Variants in ZC3H12B observed in about 807,000 individuals in gnomAD.
ZC3H12B encodes the protein zinc finger CCCH-type containing 12B.
ZC3H12B carries 7 observed loss-of-function variants against 43.9 expected under a neutral mutation model. The ratio of observed to expected loss-of-function variants is 0.16; its 90% CI spans 0.09 to 0.30. The LOEUF (loss-of-function observed/expected upper bound fraction) is 0.30. ZC3H12B is among the 10% of genes least tolerant of loss of function. The pLI, the probability that ZC3H12B is intolerant of heterozygous loss-of-function variation, is 1.00. For missense variants in ZC3H12B, 475 were observed against 670.2 expected (o/e 0.71, Z 3.22); for synonymous variants, 222 against 241.7 (o/e 0.92, Z 0.76).
At chrX:65,375,640 T>A (rs1056091309) in intron 2 of ZC3H12B, among the ~76,000 whole-genome samples, 2 of 110,007 alleles carry the variant, frequency 1.8e-5, no homozygotes, top group African/African-American at 6.6e-5. Flanking sequence ...AAGTTTTGAG[T>A]CCCCCATTGT....
the ZC3H12B span, among the ~76,000 whole-genome samples, chrX:65,076,329 A>G: frequency 1.8e-5 from 2 of 110,381 alleles, no homozygotes; most frequent in Non-Finnish European, 3.8e-5. Flanking sequence ...TGTAGAGATC[A>G]GGTCTCACTA....
At chrX:65,154,132 A>G in the ZC3H12B span, among the ~76,000 whole-genome samples, 1 of 111,626 alleles carries the variant, frequency 9.0e-6, no homozygotes, top group African/African-American at 3.3e-5. Flanking sequence ...CTAATGTTAA[A>G]TGACGAGTTA....
chrX:65,374,177 C>G (rs1408649884), intron 2 of ZC3H12B, among the ~76,000 whole-genome samples: 2 of 75,204 alleles, frequency 2.7e-5, no homozygotes, highest in South Asian at 6.1e-4. Context: ...TATATATACA[C>G]TATATATAGT....
the ZC3H12B span, among the ~76,000 whole-genome samples, chrX:65,263,028 A>G: frequency 9.0e-6 from 1 of 111,065 alleles, no homozygotes; most frequent in Admixed American, 9.6e-5. Context: ...CCTAGAGCTT[A>G]CTAACTGTAT....
At chrX:65,275,249 T>G in the ZC3H12B span, among the ~76,000 whole-genome samples, 1 of 112,525 alleles carries the variant, frequency 8.9e-6, no homozygotes, top group Non-Finnish European at 1.9e-5. Context: ...GAACCCATGT[T>G]CCAAGCCAGA....
In ZC3H12B at chrX:65,388,536, A is replaced by G. The variant is rs1459837030; in HGVS notation, n.296-10057A>G. ...TCTGCATTGGTTATTCTAGTTCGCC[A>G]TTTGTCTAATTTTTTTTTCAAAGTT... On this transcript the variant is annotated intron_variant and non_coding_transcript_variant, in intron 2 of 5. Transcript: ENST00000617377. Among the ~76,000 whole-genome samples the G allele has an allele frequency of 4.5e-5, 5 of 110,496 alleles. No individual in the cohort carries two copies. In the Admixed American group the frequency reaches 4.8e-4, roughly 11 times the overall value.
chrX:65,229,892 C>T, the ZC3H12B span, among the ~76,000 whole-genome samples: 1 of 110,519 alleles, frequency 9.0e-6, no homozygotes, highest in African/African-American at 3.3e-5. Context: ...ACAACAGGTG[C>T]TGGAGAGGAT....
chrX:65,231,204 A>T, the ZC3H12B span, among the ~76,000 whole-genome samples: 5 of 110,930 alleles, frequency 4.5e-5, no homozygotes, highest in Admixed American at 9.6e-5. Context: ...TCAAAAGGGG[A>T]GGGGGTGTAC....
chrX:65,207,460 A>G, the ZC3H12B span, among the ~76,000 whole-genome samples: 2 of 110,963 alleles, frequency 1.8e-5, no homozygotes, highest in Admixed American at 9.7e-5. Context: ...AAGAATGATG[A>G]CAATGCACTT....
intron 3 of ZC3H12B, among the ~76,000 whole-genome samples, chrX:65,448,955 A>AAAAGAAAGAAAAAGAAAG (rs2067422770): frequency 1.7e-5 from 1 of 58,967 alleles, no homozygotes; most frequent in Non-Finnish European, 2.6e-5. Context: ...GAAAGAAAGA[A>AAAAGAAAGAAAAAGAAAG]AAAGAAAGAA....
intron 3 of ZC3H12B, among the ~76,000 whole-genome samples, chrX:65,417,326 G>A (rs1482280266): frequency 8.9e-6 from 1 of 111,968 alleles, no homozygotes; most frequent in African/African-American, 3.2e-5. Flanking sequence ...AACAGTATCA[G>A]CCTTTCTTGA....
At chrX:65,190,457 A>G in the ZC3H12B span, among the ~76,000 whole-genome samples, 1,885 of 110,273 alleles carry the variant, frequency 0.017, 25 homozygotes, top group Non-Finnish European at 0.029. Context: ...ATTTGTTTGT[A>G]TCCTCTTTTA....
At chrX:65,176,719 A>G in the ZC3H12B span, among the ~76,000 whole-genome samples, 1 of 111,964 alleles carries the variant, frequency 8.9e-6, no homozygotes, top group Non-Finnish European at 1.9e-5. Flanking sequence ...CCCTCCCAAG[A>G]CTAAACCAGG....
the ZC3H12B span, among the ~76,000 whole-genome samples, chrX:65,148,668 C>T: frequency 9.9e-5 from 11 of 111,514 alleles, no homozygotes; most frequent in African/African-American, 2.9e-4. Context: ...TCTCCCTGTG[C>T]GCTATGCTGC....
chrX:65,144,850 A>T, the ZC3H12B span, among the ~76,000 whole-genome samples: 2 of 110,291 alleles, frequency 1.8e-5, no homozygotes, highest in Non-Finnish European at 3.8e-5. Flanking sequence ...TATAATTTTG[A>T]TTTTCTTAAG....
the ZC3H12B span, among the ~76,000 whole-genome samples, chrX:65,238,130 G>C: frequency 9.0e-6 from 1 of 111,519 alleles, no homozygotes; most frequent in Non-Finnish European, 1.9e-5. Flanking sequence ...ATATGGAAGA[G>C]TCCCTCCTCG....
chrX:65,110,095 G>C, the ZC3H12B span, among the ~76,000 whole-genome samples: 1 of 110,806 alleles, frequency 9.0e-6, no homozygotes, highest in Non-Finnish European at 1.9e-5. Context: ...TTTGCCATCT[G>C]TATATCCTCT....
the ZC3H12B span, among the ~76,000 whole-genome samples, chrX:65,268,911 A>T: frequency 8.9e-6 from 1 of 112,645 alleles, no homozygotes; most frequent in African/African-American, 3.2e-5. Context: ...GCAAAAAGGC[A>T]TTCAAATTAG....
chrX:65,486,205 A>C (rs1268472913), upstream of ZC3H12B, among the ~76,000 whole-genome samples: 2 of 112,403 alleles, frequency 1.8e-5, no homozygotes, highest in African/African-American at 6.5e-5. Context: ...TCCCTAGTTT[A>C]TGCCTATTGT....
Sources: allele counts gnomAD v4.1 joint callset (sites outside exome capture counted in the v4.1 genomes callset), GRCh38; gene constraint gnomAD v4.1.1; transcripts MANE v1.5; gene names NCBI Gene and HGNC (gene_info 2026-07-23, HGNC 2026-07-21).